Variants in KCNH5 observed in about 807,000 individuals in gnomAD.
KCNH5 encodes potassium voltage-gated channel subfamily H member 5, also known as voltage-gated delayed rectifier potassium channel KCNH5.
KCNH5 carries 46 observed loss-of-function variants against 96.1 expected under a neutral mutation model. The ratio of observed to expected loss-of-function variants is 0.48; its 90% CI spans 0.38 to 0.61. The LOEUF is 0.61. Ranked by LOEUF, KCNH5 falls within the 20% of genes least tolerant of loss-of-function variation. The probability of loss-of-function intolerance (pLI) is 0.00; values close to 1 mark genes in which losing one functional copy is unlikely to be tolerated. For missense variants in KCNH5, 907 were observed against 1,225.8 expected (o/e 0.74, Z 3.88); for synonymous variants, 439 against 449.8 (o/e 0.98, Z 0.30).
At chr14:62,746,334 C>T (rs1372601836) in intron 10 of KCNH5, among the ~76,000 whole-genome samples, 1 of 152,180 alleles carries the variant, frequency 6.6e-6, no homozygotes, top group Non-Finnish European at 1.5e-5. Flanking sequence ...CAAAATACTA[C>T]TCTAGATGCT....
intron 10 of KCNH5, among the ~76,000 whole-genome samples, chr14:62,752,604 G>GA (rs1384657955): frequency 6.6e-6 from 1 of 152,038 alleles, no homozygotes; most frequent in Non-Finnish European, 1.5e-5. Flanking sequence ...GACCATCCAA[G>GA]AAAACAAGAC....
rs887621718 is a variant in KCNH5 at position 62,901,690 on chromosome 14, T to C, written c.1369+48443A>G. Among the ~76,000 whole-genome samples, 11 of 152,342 alleles carry C rather than the reference T, an allele frequency of 7.2e-5. No individual in the cohort carries two copies. The East Asian group carries it at 2.1e-3, about 29-fold the overall frequency. On this transcript the variant is annotated intron_variant, in intron 7 of 10. Transcript: ENST00000322893. The stretch of plus-strand genomic sequence containing the variant: ...TGTGAATAGTGCTGTGAAGAACATG[T>C]GAGTGCATGTGTCTTTTTGGTAGAA...
chr14:62,853,136 C>G (rs1391952514), intron 7 of KCNH5, among the ~76,000 whole-genome samples: 1 of 152,106 alleles, frequency 6.6e-6, no homozygotes, highest in Non-Finnish European at 1.5e-5. Flanking sequence ...TTTGATTCAT[C>G]TCCTATATCT....
chr14:62,932,642 C>T (rs933292079), intron 7 of KCNH5, among the ~76,000 whole-genome samples: 2 of 151,944 alleles, frequency 1.3e-5, no homozygotes, highest in Non-Finnish European at 2.9e-5. Flanking sequence ...TACACATACC[C>T]ATTGGGATGA....
intron 7 of KCNH5, among the ~76,000 whole-genome samples, chr14:62,859,978 T>G (rs145593897): frequency 2.5e-4 from 38 of 152,350 alleles, no homozygotes; most frequent in African/African-American, 8.7e-4. Flanking sequence ...AACTTACTTA[T>G]GCCTTCAAGA....
In KCNH5 at chr14:62,712,597, A is replaced by G; in HGVS notation, c.2020-4142T>C. 5.5e-6 allele frequency: 4 copies of G among 729,500 alleles called. 1 individual carries two copies. The highest frequency in any genetic ancestry group is 2.9e-5 in the South Asian group (2 of 68,228). 45.2% of individuals were successfully genotyped at this position (729,500 alleles called of 1,614,324 possible). On this transcript the variant is annotated intron_variant, in intron 10 of 10. Coordinates refer to ENST00000322893, the MANE Select transcript of KCNH5 (RefSeq NM_139318.5). The stretch of plus-strand genomic sequence containing the variant: ...TCTCCTGCTCCTCAAGGTAACTTTT[A>G]TACTTTCTCCTGGACTCCGTGAAAA...
At chr14:62,788,123 A>C (rs1886357256) in intron 9 of KCNH5, among the ~76,000 whole-genome samples, 1 of 152,194 alleles carries the variant, frequency 6.6e-6, no homozygotes, top group Non-Finnish European at 1.5e-5. Context: ...GAACATTCAG[A>C]ATTCTAGATG....
At chr14:62,883,951 A>T (rs894133596) in intron 7 of KCNH5, among the ~76,000 whole-genome samples, 3 of 152,106 alleles carry the variant, frequency 2.0e-5, no homozygotes, top group African/African-American at 7.2e-5. Flanking sequence ...CTAGGTATAT[A>T]ATCATAGCCA....
intron 5 of KCNH5, among the ~76,000 whole-genome samples, chr14:62,986,486 C>T (rs1890711193): frequency 6.6e-6 from 1 of 152,116 alleles, no homozygotes; most frequent in African/African-American, 2.4e-5. Context: ...TTTGTACATG[C>T]TGGCCTCCCT....
rs34678951 is a variant in KCNH5, at chr14:62,873,149, C to CAA, written c.1370-23299_1370-23298dup. ...TGGGCGACAGAACGAGACTCTGACT[C>CAA]AAAAAAAAAAAAAAGAAGAAGAAGA... On this transcript the variant is annotated intron_variant, in intron 7 of 10. Coordinates refer to ENST00000322893, the MANE Select transcript of KCNH5 (RefSeq NM_139318.5). Among the ~76,000 whole-genome samples the CAA allele has an allele frequency of 7.7e-4, 88 of 113,906 alleles. 2 individuals carry two copies. The South Asian group carries it at 8.9e-3, about 12-fold the overall frequency. The allele number at this position is 113,906 out of a possible 152,430, so 74.7% of individuals were successfully genotyped here.
chr14:62,901,571 T>C (rs923783019), intron 7 of KCNH5, among the ~76,000 whole-genome samples: 5 of 152,242 alleles, frequency 3.3e-5, no homozygotes, highest in African/African-American at 1.2e-4. Context: ...TTCTTTTTTA[T>C]GGCTGTGTAG....
At chr14:62,765,053 C>G (rs1031179050) in intron 10 of KCNH5, among the ~76,000 whole-genome samples, 4 of 152,038 alleles carry the variant, frequency 2.6e-5, no homozygotes, top group African/African-American at 9.7e-5. Context: ...AAAAAAGAGG[C>G]TAAATAGCCA....
intron 8 of KCNH5, among the ~76,000 whole-genome samples, chr14:62,825,406 T>A (rs1887201440): frequency 6.6e-6 from 1 of 152,008 alleles, no homozygotes; most frequent in African/African-American, 2.4e-5. Context: ...ATTTTTTTCA[T>A]ATTTTTTTTT....
intron 8 of KCNH5, among the ~76,000 whole-genome samples, chr14:62,830,043 G>T (rs1462850315): frequency 1.3e-5 from 2 of 152,128 alleles, no homozygotes; most frequent in Non-Finnish European, 2.9e-5. Flanking sequence ...CAAGTTCAAA[G>T]TTCCATACAT....
chr14:63,001,506 C>A, intron 3 of KCNH5, 47 bp from the exon 4 acceptor site: 2 of 1,554,696 alleles, frequency 1.3e-6, no homozygotes, highest in South Asian at 1.3e-5. Flanking sequence ...TGTGGCACGG[C>A]CACAGCAGTG....
intron 8 of KCNH5, among the ~76,000 whole-genome samples, chr14:62,848,475 CT>C (rs113655822): frequency 9.9e-5 from 15 of 152,006 alleles, no homozygotes; most frequent in African/African-American, 3.4e-4. Context: ...GGGAGTAAAT[CT>C]CACCCCCTTT....
chr14:62,825,396 AT>A (rs1173530139), intron 8 of KCNH5, among the ~76,000 whole-genome samples: 5 of 151,798 alleles, frequency 3.3e-5, no homozygotes, highest in Admixed American at 2.0e-4. Flanking sequence ...GATGTGGAGT[AT>A]TTTTTTCATA....
At chr14:62,896,780 A>C (rs527592497) in intron 7 of KCNH5, among the ~76,000 whole-genome samples, 60 of 152,330 alleles carry the variant, frequency 3.9e-4, no homozygotes, top group South Asian at 1.4e-3. Flanking sequence ...AACTATATAC[A>C]ACTTAATACA....
chr14:62,939,050 A>T (rs370231465), intron 7 of KCNH5, among the ~76,000 whole-genome samples: 9 of 152,116 alleles, frequency 5.9e-5, no homozygotes, highest in African/African-American at 1.4e-4. Flanking sequence ...TAGGAGAAAA[A>T]ACGGTTTGGA....
Sources: allele counts gnomAD v4.1 joint callset (sites outside exome capture counted in the v4.1 genomes callset), GRCh38; gene constraint gnomAD v4.1.1; transcripts MANE v1.5; gene names NCBI Gene and HGNC (gene_info 2026-07-23, HGNC 2026-07-21).